Variants in HMGCLL1 observed in about 807,000 individuals in gnomAD.
The protein encoded by HMGCLL1 is 3-hydroxy-3-methylglutaryl-CoA lyase like 1.
HMGCLL1 carries 36 observed loss-of-function variants against 39.1 expected under a neutral mutation model. That is an observed-to-expected ratio of 0.92 (90% CI 0.71 to 1.22). The LOEUF (loss-of-function observed/expected upper bound fraction) is 1.22. HMGCLL1 is among the 50% of genes most tolerant of loss of function. The pLI is 0.00. For missense variants in HMGCLL1, 451 were observed against 416.5 expected, an observed-to-expected ratio of 1.08 and a Z score of -0.72; for synonymous variants, 149 against 144.0, an observed-to-expected ratio of 1.03 and a Z score of -0.25.
At chr6:55,504,479 G>A (rs1190974641) in intron 5 of HMGCLL1, among the ~76,000 whole-genome samples, 2 of 151,564 alleles carry the variant, frequency 1.3e-5, no homozygotes, top group Non-Finnish European at 3.0e-5. Context: ...TTGAAGTTAT[G>A]CTGAATTTTC....
At chr6:55,544,847 G>T (rs1344926512) in intron 1 of HMGCLL1, among the ~76,000 whole-genome samples, 1 of 152,138 alleles carries the variant, frequency 6.6e-6, no homozygotes, top group East Asian at 1.9e-4. Flanking sequence ...TTCTGTGCAG[G>T]TTGTGATGCA....
At chr6:55,570,643 T>C (rs1395494341) in intron 1 of HMGCLL1, among the ~76,000 whole-genome samples, 1 of 152,198 alleles carries the variant, frequency 6.6e-6, no homozygotes, top group African/African-American at 2.4e-5. Flanking sequence ...AATGTCCTGG[T>C]GGACCTTCCA....
chr6:55,565,782 G>A (rs1771181959), intron 1 of HMGCLL1, among the ~76,000 whole-genome samples: 1 of 151,972 alleles, frequency 6.6e-6, no homozygotes, highest in South Asian at 2.1e-4. Flanking sequence ...CGGTCATAAG[G>A]GAATGGGGGC....
rs770392645 is a variant in HMGCLL1, at chr6:55,435,766, G to C, written c.922-3C>G. On this transcript the variant is annotated splice_polypyrimidine_tract_variant and splice_region_variant and intron_variant, in intron 8 of 8. Transcript: ENST00000274901. ...ATCACTTTGTATAGATTCACACCCT[G>C]GTGACGAAATGAAGGAATATCAGGA... The C allele has an allele frequency of 5.2e-6, 8 of 1,525,076 alleles. No homozygotes were observed. Among genetic ancestry groups the C allele is most frequent in the Non-Finnish European group, 7.2e-6 (8 of 1,117,562 alleles). 94.5% of individuals were successfully genotyped at this position (1,525,076 alleles called of 1,614,324 possible). A position where few individuals can be genotyped will look rare whatever the true frequency, so the allele number is the denominator to read the frequency against.
At chr6:55,615,687 G>T in the HMGCLL1 span, among the ~76,000 whole-genome samples, 152 of 152,202 alleles carry the variant, frequency 1.0e-3, no homozygotes, top group African/African-American at 3.4e-3. Flanking sequence ...GGTAGGCCCT[G>T]CCTTAAAGCC....
chr6:55,656,946 C>T, the HMGCLL1 span, among the ~76,000 whole-genome samples: 2 of 151,840 alleles, frequency 1.3e-5, no homozygotes, highest in African/African-American at 4.8e-5. Context: ...GAGAAGTGGT[C>T]AGATTCTGAA....
At chr6:55,469,527 G>C (rs1194627785) in intron 7 of HMGCLL1, among the ~76,000 whole-genome samples, 1 of 150,132 alleles carries the variant, frequency 6.7e-6, no homozygotes, top group African/African-American at 2.4e-5. Flanking sequence ...TTGATTATAT[G>C]TAATAAAATG....
chr6:55,470,487 A>G (rs1185607976), intron 7 of HMGCLL1, among the ~76,000 whole-genome samples: 1 of 151,804 alleles, frequency 6.6e-6, no homozygotes, highest in African/African-American at 2.4e-5. Context: ...GGTTCAGGAA[A>G]TCTTGGCAAA....
the HMGCLL1 span, among the ~76,000 whole-genome samples, chr6:55,674,033 G>A: frequency 6.6e-6 from 1 of 151,934 alleles, no homozygotes; most frequent in Admixed American, 6.6e-5. Context: ...GGAATAAGAT[G>A]GATAATTGGT....
chr6:55,533,885 C>CAAAA (rs70986727), intron 3 of HMGCLL1, among the ~76,000 whole-genome samples: 1 of 71,724 alleles, frequency 1.4e-5, no homozygotes, highest in Non-Finnish European at 2.8e-5. Flanking sequence ...GACTCCGTCT[C>CAAAA]AAAAAAAAAA....
chr6:55,456,466 C>T (rs1057362469), intron 7 of HMGCLL1, among the ~76,000 whole-genome samples: 7 of 152,112 alleles, frequency 4.6e-5, no homozygotes, highest in Non-Finnish European at 1.0e-4. Context: ...TAATCATGGA[C>T]AGATTAATGT....
chr6:55,629,778 G>C, the HMGCLL1 span, among the ~76,000 whole-genome samples: 18 of 152,282 alleles, frequency 1.2e-4, no homozygotes, highest in Admixed American at 1.2e-3. Context: ...TGTCTTCAGA[G>C]GATCCAAGCC....
intron 1 of HMGCLL1, among the ~76,000 whole-genome samples, chr6:55,574,580 T>C (rs1771674270): frequency 6.6e-6 from 1 of 151,862 alleles, no homozygotes; most frequent in South Asian, 2.1e-4. Context: ...AAATGCTACA[T>C]GATTTCAAAA....
Position 55,570,255 on chromosome 6 carries a change from T to C in HMGCLL1, c.108+8693A>G, listed in dbSNP as rs115346351. On this transcript the variant is annotated intron_variant, in intron 1 of 8. Transcript: ENST00000274901. ...TATTTTTCCAGCTATAAACTCAGCT[T>C]CACACCTAAAACATTCTAACACATT... 3.9e-3 allele frequency among the ~76,000 whole-genome samples: 595 copies of C among 152,312 alleles called. 5 individuals carry two copies. The highest frequency in any genetic ancestry group is 0.014 in the African/African-American group (577 of 41,570).
intron 5 of HMGCLL1, among the ~76,000 whole-genome samples, chr6:55,508,878 A>C (rs192232722): frequency 1.2e-3 from 188 of 152,008 alleles, no homozygotes; most frequent in Non-Finnish European, 2.1e-3. Context: ...GGCAAGGTAT[A>C]ATCCAGCAAA....
chr6:55,548,424 C>A (rs1770116017), intron 1 of HMGCLL1, among the ~76,000 whole-genome samples: 1 of 151,970 alleles, frequency 6.6e-6, no homozygotes, highest in South Asian at 2.1e-4. Flanking sequence ...ATATACATTT[C>A]ATGAACACTT....
At chr6:55,460,502 G>T (rs762573322) in intron 7 of HMGCLL1, among the ~76,000 whole-genome samples, 6 of 151,646 alleles carry the variant, frequency 4.0e-5, no homozygotes, top group Non-Finnish European at 5.9e-5. Flanking sequence ...AACAAAAAGC[G>T]TATGTTTATT....
chr6:55,636,566 A>C, the HMGCLL1 span, among the ~76,000 whole-genome samples: 1 of 152,250 alleles, frequency 6.6e-6, no homozygotes, highest in Admixed American at 6.5e-5. Context: ...GCTTAGTGTA[A>C]GGATTCATAT....
the HMGCLL1 span, among the ~76,000 whole-genome samples, chr6:55,587,333 A>G: frequency 6.6e-6 from 1 of 152,010 alleles, no homozygotes; most frequent in Non-Finnish European, 1.5e-5. Context: ...ATTTTCTCCC[A>G]TTCTGTAGGT....
Sources: gnomAD v4.1 joint callset for allele counts (sites outside exome capture counted in the v4.1 genomes callset) on GRCh38, gnomAD v4.1.1 for gene constraint, MANE v1.5 for transcripts, NCBI Gene and HGNC (gene_info 2026-07-23, HGNC 2026-07-21) for gene names.